Variants in GPC3 observed in about 807,000 individuals in gnomAD.
GPC3 encodes glypican-3.
Under a neutral mutation model 34.4 loss-of-function variants are expected in GPC3, and 3 were observed. That is an observed-to-expected ratio of 0.09 (90% CI 0.04 to 0.23). The LOEUF is 0.23. Ranked by LOEUF, GPC3 falls within the 10% of genes least tolerant of loss-of-function variation. GPC3 has a pLI of 1.00. For synonymous variants in GPC3, 177 were observed against 174.0 expected, an observed-to-expected ratio of 1.02 and a Z score of -0.13; for missense variants, 351 against 445.6, an observed-to-expected ratio of 0.79 and a Z score of 1.91.
chrX:133,981,921 A>G (rs747815070), intron 1 of GPC3, among the ~76,000 whole-genome samples: 4 of 112,176 alleles, frequency 3.6e-5, no homozygotes, highest in African/African-American at 1.3e-4. Flanking sequence ...CTTCCAAGGC[A>G]AGATCCCTCA....
chrX:133,855,664 C>T (rs910513128), intron 2 of GPC3, among the ~76,000 whole-genome samples: 1 of 108,950 alleles, frequency 9.2e-6, no homozygotes, highest in Non-Finnish European at 1.9e-5. Flanking sequence ...GTCCTAAGTA[C>T]AATACACTAT....
At chrX:133,794,352 G>A (rs771710396) in intron 2 of GPC3, among the ~76,000 whole-genome samples, 3 of 111,992 alleles carry the variant, frequency 2.7e-5, no homozygotes, top group South Asian at 3.7e-4. Context: ...AGGAAAGAAC[G>A]TAAGTGCTTG....
chrX:133,553,676 C>T (rs1051172519), intron 7 of GPC3, among the ~76,000 whole-genome samples: 3 of 111,540 alleles, frequency 2.7e-5, no homozygotes, highest in African/African-American at 9.8e-5. Flanking sequence ...AGAGATCAGA[C>T]TAGAAGTGCC....
At chrX:133,930,181 C>T (rs1456574308) in intron 2 of GPC3, among the ~76,000 whole-genome samples, 1 of 111,880 alleles carries the variant, frequency 8.9e-6, no homozygotes, top group Non-Finnish European at 1.9e-5. Context: ...AGACTTCATG[C>T]CAGTGGTTCT....
At position 133,740,806 on chromosome X, in the gene GPC3, A is replaced by T. The variant is rs955810099; in HGVS notation, c.1032+12676T>A. On this transcript the variant is annotated intron_variant, in intron 3 of 7. Transcript: ENST00000370818. ...TTTTAAATACTTTTAAATACTTTTT[A>T]AAATACTTTTTTAAAGTATTTTTTC... Among the ~76,000 whole-genome samples, 4 of 111,706 alleles carry T rather than the reference A, an allele frequency of 3.6e-5. No homozygotes were observed. The East Asian group carries it at 8.4e-4, about 23-fold the overall frequency.
intron 2 of GPC3, among the ~76,000 whole-genome samples, chrX:133,924,021 G>T (rs1008575180): frequency 2.7e-5 from 3 of 111,506 alleles, no homozygotes; most frequent in African/African-American, 9.8e-5. Flanking sequence ...ACATTCTGAT[G>T]ATTCTAAATT....
chrX:133,918,256 T>C (rs2076233202), intron 2 of GPC3, among the ~76,000 whole-genome samples: 1 of 112,321 alleles, frequency 8.9e-6, no homozygotes, highest in African/African-American at 3.2e-5. Context: ...TGTAGAATAA[T>C]ATACTTTCAT....
At position 133,785,529 on chromosome X, in the gene GPC3, A is replaced by G. The variant is rs146950708; in HGVS notation, c.338-31353T>C. On this transcript the variant is annotated intron_variant, in intron 2 of 7. Coordinates refer to ENST00000370818, the MANE Select transcript of GPC3 (RefSeq NM_004484.4). ...GACAGGTACCAATATAAATATAGAT[A>G]CAGATAAATAGCTTCGTACTATGCC... Among the ~76,000 whole-genome samples, 728 of 112,072 alleles carry G rather than the reference A, an allele frequency of 6.5e-3. 3 individuals are homozygous for G. The highest frequency in any genetic ancestry group is 0.022 in the African/African-American group (668 of 30,819).
intron 6 of GPC3, among the ~76,000 whole-genome samples, chrX:133,622,829 A>G (rs1203387448): frequency 9.0e-6 from 1 of 111,195 alleles, no homozygotes; most frequent in African/African-American, 3.3e-5. Flanking sequence ...CCACAAAGAC[A>G]CTCCTCGAGA....
chrX:133,717,682 C>T (rs1367113930), intron 3 of GPC3, among the ~76,000 whole-genome samples: 5 of 110,569 alleles, frequency 4.5e-5, no homozygotes, highest in Admixed American at 9.7e-5. Context: ...TTGTTGGAGA[C>T]GTGAGTCTTG....
At chrX:133,663,407 G>A (rs2070742254) in intron 5 of GPC3, among the ~76,000 whole-genome samples, 1 of 111,456 alleles carries the variant, frequency 9.0e-6, no homozygotes, top group African/African-American at 3.3e-5. Context: ...TTACAGGTGT[G>A]AGCCACCGAG....
intron 3 of GPC3, among the ~76,000 whole-genome samples, chrX:133,739,036 A>G (rs1244563055): frequency 9.0e-6 from 1 of 111,506 alleles, no homozygotes; most frequent in African/African-American, 3.3e-5. Flanking sequence ...AGTTATTGTC[A>G]TTACTGTCTT....
chrX:133,795,868 TCA>T (rs1285461339), intron 2 of GPC3, among the ~76,000 whole-genome samples: 1 of 110,318 alleles, frequency 9.1e-6, no homozygotes, highest in Admixed American at 9.7e-5. Context: ...CAGTCATTTT[TCA>T]CAGTTTAATA....
intron 1 of GPC3, among the ~76,000 whole-genome samples, chrX:133,981,718 C>T (rs2076540117): frequency 8.9e-6 from 1 of 112,177 alleles, no homozygotes; most frequent in African/African-American, 3.2e-5. Flanking sequence ...AACCCAGATA[C>T]GGAGGCTAGT....
At chrX:133,942,299 GAAATCATTAAGGATGTGCAT>G (rs1223205769) in intron 2 of GPC3, among the ~76,000 whole-genome samples, 1 of 111,890 alleles carries the variant, frequency 8.9e-6, no homozygotes, top group Non-Finnish European at 1.9e-5. Context: ...TTATCCTGAG[GAAATCATTAAGGATGTGCAT>G]AAATATTTAA....
chrX:133,628,299 A>G (rs2070328334), intron 6 of GPC3, among the ~76,000 whole-genome samples: 1 of 112,444 alleles, frequency 8.9e-6, no homozygotes, highest in African/African-American at 3.2e-5. Flanking sequence ...ACCATGAAAT[A>G]AACTACTAGT....
intron 2 of GPC3, among the ~76,000 whole-genome samples, chrX:133,945,252 G>A (rs994838756): frequency 9.0e-6 from 1 of 111,389 alleles, no homozygotes; most frequent in African/African-American, 3.3e-5. Context: ...TTAGCCCTGT[G>A]TGGTGGCACA....
intron 2 of GPC3, among the ~76,000 whole-genome samples, chrX:133,878,254 T>C (rs1334782504): frequency 5.6e-4 from 62 of 110,349 alleles, no homozygotes; most frequent in Non-Finnish European, 1.1e-3. Context: ...GTGGTGAAAC[T>C]CTGTCTCTAC....
chrX:133,759,217 A>G (rs2071761137), intron 2 of GPC3, among the ~76,000 whole-genome samples: 2 of 112,142 alleles, frequency 1.8e-5, no homozygotes, highest in African/African-American at 6.5e-5. Flanking sequence ...CTATAAATTC[A>G]ATGAATCCCA....
Sources: gnomAD v4.1 joint callset for allele counts (sites outside exome capture counted in the v4.1 genomes callset) on GRCh38, gnomAD v4.1.1 for gene constraint, MANE v1.5 for transcripts, NCBI Gene and HGNC (gene_info 2026-07-23, HGNC 2026-07-21) for gene names.